Variants in VPS13C observed in about 807,000 individuals in gnomAD.
The protein encoded by VPS13C is vacuolar protein sorting 13 homolog C.
Under a neutral mutation model 456.8 loss-of-function variants are expected in VPS13C, and 358 were observed. The ratio of observed to expected loss-of-function variants is 0.78; its 90% CI spans 0.72 to 0.86. The LOEUF is 0.86. Among genes scored for constraint, VPS13C ranks in the 40% least tolerant of loss-of-function variants. The pLI is 0.00. For missense variants in VPS13C, 4,818 were observed against 4,385.4 expected (o/e 1.10, Z -2.79); for synonymous variants, 1,578 against 1,486.7 (o/e 1.06, Z -1.41).
chr15:62,030,997 C>T (rs752064092), intron 5 of VPS13C, among the ~76,000 whole-genome samples: 3 of 151,914 alleles, frequency 2.0e-5, no homozygotes, highest in East Asian at 1.9e-4. Flanking sequence ...AATCTTTTGG[C>T]CTTACTAGGA....
At chr15:61,930,007 C>T (rs2044001442) in intron 50 of VPS13C, among the ~76,000 whole-genome samples, 1 of 151,706 alleles carries the variant, frequency 6.6e-6, no homozygotes, top group South Asian at 2.1e-4. Context: ...CATTATAATG[C>T]AATTTTTGAG....
intron 60 of VPS13C, among the ~76,000 whole-genome samples, chr15:61,916,315 G>C (rs1329259075): frequency 6.6e-6 from 1 of 152,160 alleles, no homozygotes; most frequent in African/African-American, 2.4e-5. Context: ...CAGGAAGCCT[G>C]GCTGTTGTCC....
chr15:61,964,225 C>G (rs2045309806), intron 31 of VPS13C, among the ~76,000 whole-genome samples: 1 of 151,982 alleles, frequency 6.6e-6, no homozygotes, highest in Non-Finnish European at 1.5e-5. Flanking sequence ...AATAATGTGT[C>G]TAAGGTTACA....
intron 15 of VPS13C, among the ~76,000 whole-genome samples, chr15:62,006,261 C>T (rs1343249233): frequency 1.3e-5 from 2 of 152,040 alleles, no homozygotes; most frequent in Non-Finnish European, 2.9e-5. Flanking sequence ...CCTCTCCCCG[C>T]ACCCCACAAC....
chr15:61,935,966 CA>C (rs2140239699), intron 48 of VPS13C, among the ~76,000 whole-genome samples: 1 of 152,210 alleles, frequency 6.6e-6, no homozygotes, highest in Non-Finnish European at 1.5e-5. Flanking sequence ...AACCTATTTA[CA>C]GTCTAATTAA....
intron 67 of VPS13C, among the ~76,000 whole-genome samples, chr15:61,886,342 T>C (rs1290282047): frequency 6.6e-6 from 1 of 152,186 alleles, no homozygotes; most frequent in Non-Finnish European, 1.5e-5. Flanking sequence ...TGTCAACATA[T>C]ATTGCATTAC....
intron 28 of VPS13C, 98 bp downstream of exon 28, chr15:61,969,201 T>C: frequency 1.1e-6 from 1 of 880,926 alleles, no homozygotes; most frequent in Non-Finnish European, 1.7e-6. Flanking sequence ...ACAGTGTAGC[T>C]ATTATTTATT....
At chr15:61,986,382 A>C (rs1206348902) in intron 18 of VPS13C, among the ~76,000 whole-genome samples, 1 of 152,214 alleles carries the variant, frequency 6.6e-6, no homozygotes, top group Non-Finnish European at 1.5e-5. Context: ...CCAATTAAGA[A>C]TTCAATAAAT....
Position 62,013,999 on chromosome 15 carries a change from G to GA in VPS13C, c.685-8dup. 1 of 1,604,076 alleles carries GA rather than the reference G, an allele frequency of 6.2e-7. No homozygotes were observed. Among genetic ancestry groups the GA allele is most frequent in the Non-Finnish European group, 8.5e-7 (1 of 1,174,730 alleles). ...TCCAGTGTTCATTTGCAGTCTAAAA[G>GA]AAAAAAGGGAATACCTGTGAAACGT... On this transcript the variant is annotated splice_polypyrimidine_tract_variant and splice_region_variant and intron_variant, in intron 9 of 84. Transcript: ENST00000644861.
chr15:61,868,099 G>A (rs1894721354), intron 81 of VPS13C, among the ~76,000 whole-genome samples: 1 of 151,910 alleles, frequency 6.6e-6, no homozygotes. Context: ...ATTTCTTTTG[G>A]GGGAAAGCCT....
chr15:62,016,540 C>A (rs1268830502), intron 9 of VPS13C, among the ~76,000 whole-genome samples: 1 of 150,540 alleles, frequency 6.6e-6, no homozygotes, highest in Non-Finnish European at 1.5e-5. Context: ...TTTGTCCTTG[C>A]AATAGTTTGC....
chr15:61,976,748 T>C (rs1325724148), intron 24 of VPS13C, among the ~76,000 whole-genome samples: 2 of 152,046 alleles, frequency 1.3e-5, no homozygotes, highest in African/African-American at 4.8e-5. Flanking sequence ...TTATGTCCTT[T>C]GATTTTTCTC....
chr15:62,057,957 C>T (rs1242901367), intron 1 of VPS13C, among the ~76,000 whole-genome samples: 1 of 152,108 alleles, frequency 6.6e-6, no homozygotes, highest in Non-Finnish European at 1.5e-5. Context: ...GAACCTCTGA[C>T]TATATCCATA....
chr15:61,898,082 T>C lies in VPS13C; in HGVS notation c.9106-7682A>G, dbSNP rs1596307038. 4.0e-5 allele frequency among the ~76,000 whole-genome samples: 6 copies of C among 151,886 alleles called. 2 individuals are homozygous for C. In the South Asian group the frequency reaches 1.0e-3, roughly 27 times the overall value. ...GATTTTGTCACCACCAGACATGCCC[T>C]ATAAGAGCTCCTGAAGGAAGCGCTA... On this transcript the variant is annotated intron_variant, in intron 66 of 84. Coordinates refer to ENST00000644861, the MANE Select transcript of VPS13C (RefSeq NM_020821.3).
At chr15:61,875,065 T>C in intron 76 of VPS13C, 114 bp from the exon 77 acceptor site, 3 of 884,876 alleles carry the variant, frequency 3.4e-6, no homozygotes, top group South Asian at 2.7e-5. Flanking sequence ...TCCATAAACA[T>C]TGTGATGAAT....
chr15:61,931,943 C>G (rs1433510106), intron 49 of VPS13C, among the ~76,000 whole-genome samples: 1 of 152,036 alleles, frequency 6.6e-6, no homozygotes, highest in Non-Finnish European at 1.5e-5. Context: ...ATGAGGTTTA[C>G]AAGAAAGAGT....
At chr15:61,945,658 G>A in intron 45 of VPS13C, 57 bp downstream of exon 45, 1 of 1,401,036 alleles carries the variant, frequency 7.1e-7, no homozygotes, top group Non-Finnish European at 9.6e-7. Context: ...AGGTTCAGTT[G>A]TATAAGCAAA....
chr15:62,036,165 T>C (rs1395451684), intron 3 of VPS13C, among the ~76,000 whole-genome samples: 1 of 151,976 alleles, frequency 6.6e-6, no homozygotes, highest in East Asian at 1.9e-4. Flanking sequence ...AATCTATAGG[T>C]CTCTCAGAGC....
intron 51 of VPS13C, among the ~76,000 whole-genome samples, 185 bp downstream of exon 51, chr15:61,929,316 A>G (rs925722221): frequency 6.6e-5 from 10 of 152,236 alleles, no homozygotes; most frequent in Non-Finnish European, 1.2e-4. Flanking sequence ...CATTGGTCCA[A>G]TATCTACTGT....
Sources: allele counts gnomAD v4.1 joint callset (sites outside exome capture counted in the v4.1 genomes callset), GRCh38; gene constraint gnomAD v4.1.1; transcripts MANE v1.5; gene names NCBI Gene and HGNC (gene_info 2026-07-23, HGNC 2026-07-21).